The following TBC1D2 variants were observed in gnomAD, a reference collection of about 807,000 sequenced individuals.
The protein encoded by TBC1D2 is TBC1 domain family member 2A.
In TBC1D2, 58 loss-of-function variants were observed where a neutral mutation model predicts 91.1. That is an observed-to-expected ratio of 0.64 (90% CI 0.52 to 0.79). The LOEUF is 0.79. Among genes scored for constraint, TBC1D2 ranks in the 30% least tolerant of loss-of-function variants. TBC1D2 has a pLI of 0.00. For missense variants in TBC1D2, 1,080 were observed against 1,208.3 expected (o/e 0.89, Z 1.57); for synonymous variants, 482 against 511.5 (o/e 0.94, Z 0.78).
intron 6 of TBC1D2, among the ~76,000 whole-genome samples, chr9:98,219,967 G>A (rs1445803205): frequency 6.6e-6 from 1 of 152,200 alleles, no homozygotes; most frequent in Non-Finnish European, 1.5e-5. Context: ...ACCCTTTAGA[G>A]AGGAGGCTGC....
intron 7 of TBC1D2, among the ~76,000 whole-genome samples, chr9:98,211,390 A>G (rs543326425): frequency 1.7e-4 from 26 of 151,728 alleles, no homozygotes; most frequent in Non-Finnish European, 3.4e-4. Context: ...TGTTCCTCCA[A>G]CACACACCCC....
At chr9:98,199,995 T>C (rs1828442826) in intron 12 of TBC1D2, among the ~76,000 whole-genome samples, 1 of 152,162 alleles carries the variant, frequency 6.6e-6, no homozygotes, top group Non-Finnish European at 1.5e-5. Context: ...ATAATTCTGT[T>C]TTCCAGGATC....
rs534614208 is a variant in TBC1D2 at position 98,239,744 on chromosome 9, T to C, written c.647+4250A>G. ...TTTGGAAGAATCTGTGAAGAATTGG[T>C]ATTAATTTTTCTTTAAATATTTGGT... On this transcript the variant is annotated intron_variant, in intron 3 of 12. Transcript: ENST00000465784. 5.9e-5 allele frequency among the ~76,000 whole-genome samples: 9 copies of C among 152,146 alleles called. No homozygotes were observed. In the East Asian group the frequency reaches 9.6e-4, roughly 16 times the overall value.
intron 5 of TBC1D2, among the ~76,000 whole-genome samples, chr9:98,227,169 T>C (rs1829251593): frequency 6.6e-6 from 1 of 152,180 alleles, no homozygotes; most frequent in South Asian, 2.1e-4. Flanking sequence ...AGCACCATGA[T>C]GACAGGAGGA....
chr9:98,223,318 G>C (rs1361117315), intron 5 of TBC1D2, among the ~76,000 whole-genome samples: 3 of 152,234 alleles, frequency 2.0e-5, no homozygotes, highest in African/African-American at 7.2e-5. Flanking sequence ...CCCCAGTAAA[G>C]ACCTGGAGGA....
At chr9:98,254,328 G>C (rs1277573375) in intron 1 of TBC1D2, among the ~76,000 whole-genome samples, 1 of 152,200 alleles carries the variant, frequency 6.6e-6, no homozygotes, top group Admixed American at 6.5e-5. Context: ...GTGTGTGCAT[G>C]TGTGCTTATG....
intron 1 of TBC1D2, among the ~76,000 whole-genome samples, chr9:98,254,552 T>G (rs1829933946): frequency 6.6e-6 from 1 of 152,230 alleles, no homozygotes; most frequent in South Asian, 2.1e-4. Context: ...ATGTGGCCTT[T>G]CTACTGCTTT....
chr9:98,255,184 T>G lies in TBC1D2; in HGVS notation c.358A>C (p.Ile120Leu). ...TTGCAGGAATTTACCTTCAGGGTAA[T>G]AACCCGGCTGGGAGTCTTGATTTCG... ...IFEIKTPSRVITLKAATKQAM... is the reference protein window; with the variant it reads ...IFEIKTPSRVLTLKAATKQAM... Residue 120 changes from isoleucine (I) to leucine (L), a missense_variant, in exon 1 of 13, where the codon ATT becomes CTT. Coordinates refer to ENST00000465784, the MANE Select transcript of TBC1D2 (RefSeq NM_001267571.2). 1 of 1,607,400 alleles carries G rather than the reference T, an allele frequency of 6.2e-7. No homozygotes were observed.
chr9:98,221,117 G>A lies in TBC1D2; in HGVS notation c.1090C>T (p.His364Tyr), dbSNP rs1829090510. ...EDKDRLELVR[H>Y]KVRQIAELGR... ...AGCTCCGCGATCTGCCGCACTTTGT[G>A]CCGCACCAGCTCCAGCCGGTCCTTG... Residue 364 changes from histidine to tyrosine, a missense_variant, in exon 6 of 13, where the codon CAC (histidine) becomes TAC (tyrosine). Coordinates refer to ENST00000465784, the MANE Select transcript of TBC1D2 (RefSeq NM_001267571.2). 3 of 1,597,450 alleles carry A rather than the reference G, an allele frequency of 1.9e-6. No homozygotes were observed. Among genetic ancestry groups the A allele is most frequent in the Non-Finnish European group, 2.6e-6 (3 of 1,172,814 alleles).
chr9:98,249,108 C>T lies in TBC1D2; in HGVS notation c.511+2677G>A, dbSNP rs547482957. On this transcript the variant is annotated intron_variant, in intron 2 of 12. Coordinates refer to ENST00000465784, the MANE Select transcript of TBC1D2 (RefSeq NM_001267571.2). ...CTCCACGTGGCTAATCCAGGCCTTG[C>T]TGACTTGCCCAAGACACCAGAAACA... 2.6e-5 allele frequency among the ~76,000 whole-genome samples: 4 copies of T among 152,286 alleles called. No homozygotes were observed. The East Asian group carries it at 5.8e-4, about 22-fold the overall frequency.
At position 98,203,374 on chromosome 9, in the gene TBC1D2, C is replaced by A. The variant is rs1331201706; in HGVS notation, c.2185G>T (p.Glu729Ter). 2 of 1,614,212 alleles carry A rather than the reference C, an allele frequency of 1.2e-6. No individual in the cohort carries two copies. The highest frequency in any genetic ancestry group is 2.2e-5 in the South Asian group (2 of 91,082). Residue 729 changes from glutamate (E) to a stop codon, truncating the protein, a stop_gained, in exon 10 of 13, where the codon GAG becomes TAG. Transcript: ENST00000465784. LOFTEE classifies it high-confidence loss of function. ...AAIALLVLEE[E>*]ESAFWCLVAI... ...ACCAGGCACCAGAAGGCGCTCTCCT[C>A]CTCCTCTAGGACCAGCAGGGCAATG...
intron 1 of TBC1D2, 65 bp downstream of exon 1, chr9:98,255,108 A>T: frequency 6.5e-7 from 1 of 1,533,260 alleles, no homozygotes. Flanking sequence ...ACTCGCGCCC[A>T]GCCTTGCCCT....
chr9:98,236,888 A>C (rs1829517662), intron 3 of TBC1D2, among the ~76,000 whole-genome samples: 1 of 151,758 alleles, frequency 6.6e-6, no homozygotes, highest in Non-Finnish European at 1.5e-5. Context: ...ATATGGGAGG[A>C]ACTAAGGCAT....
rs550374631 is a variant in TBC1D2 at position 98,215,694 on chromosome 9, C to T, written c.1375-2476G>A. Among the ~76,000 whole-genome samples the T allele has an allele frequency of 5.3e-5, 8 of 152,248 alleles. No homozygotes were observed. The South Asian group carries it at 6.2e-4, about 12-fold the overall frequency. ...AGCTAATTTTTTGATTTTGTAGAGA[C>T]GAGGTCTCACTATGTTTCCCAGGCT... On this transcript the variant is annotated intron_variant, in intron 6 of 12. Transcript: ENST00000465784.
intron 2 of TBC1D2, among the ~76,000 whole-genome samples, chr9:98,245,740 G>A (rs1191846851): frequency 1.3e-5 from 2 of 151,940 alleles, no homozygotes; most frequent in Admixed American, 6.6e-5. Flanking sequence ...CAATAAACAT[G>A]GGTTACTTTA....
intron 9 of TBC1D2, among the ~76,000 whole-genome samples, chr9:98,204,558 G>T (rs17810151): frequency 0.072 from 10,925 of 152,180 alleles, 458 homozygotes; most frequent in East Asian, 0.14. Flanking sequence ...TGCTTCTTTG[G>T]GTTCTCTCTA....
In TBC1D2 at chr9:98,209,147, G is replaced by A. The variant is rs759274326; in HGVS notation, c.1674-3C>T. 6.2e-7 allele frequency: 1 copy of A among 1,604,620 alleles called. No homozygotes were observed. Among genetic ancestry groups the A allele is most frequent in the Middle Eastern group, 1.7e-4 (1 of 6,042 alleles). ...GGAAGCCGTACTCATCATACTTACT[G>A]CCAGCAAAAGTGCACGTTAGCAACA... On this transcript the variant is annotated splice_polypyrimidine_tract_variant and splice_region_variant and intron_variant, in intron 8 of 12. Coordinates refer to ENST00000465784, the MANE Select transcript of TBC1D2 (RefSeq NM_001267571.2).
intron 9 of TBC1D2, among the ~76,000 whole-genome samples, chr9:98,207,271 G>A (rs1419166425): frequency 6.6e-6 from 1 of 152,178 alleles, no homozygotes. Flanking sequence ...TTGATTCTGT[G>A]TTAAATAAAT....
chr9:98,234,944 G>A (rs1043752726), intron 3 of TBC1D2: 15 of 178,414 alleles, frequency 8.4e-5, no homozygotes, highest in African/African-American at 2.6e-4. Flanking sequence ...GGTGGCTCAC[G>A]CCTGTAATCC....
Sources: gnomAD v4.1 joint callset for allele counts (sites outside exome capture counted in the v4.1 genomes callset) on GRCh38, gnomAD v4.1.1 for gene constraint, MANE v1.5 for transcripts, NCBI Gene and HGNC (gene_info 2026-07-23, HGNC 2026-07-21) for gene names.